CFAP43: variants seen among roughly 807,000 people sequenced by gnomAD.
CFAP43 encodes the protein cilia- and flagella-associated protein 43.
Under a neutral mutation model 218.9 loss-of-function variants are expected in CFAP43, and 155 were observed. The observed-to-expected ratio is 0.71, with a 90% CI of 0.62 to 0.81. The LOEUF (loss-of-function observed/expected upper bound fraction) is 0.81, where lower values mean the gene tolerates loss of function less well. Ranked by LOEUF, CFAP43 falls within the 30% of genes least tolerant of loss-of-function variation. The pLI is 0.00. For synonymous variants in CFAP43, 645 were observed against 681.3 expected (o/e 0.95, Z 0.83); for missense variants, 1,778 against 1,954.3 (o/e 0.91, Z 1.70).
chr10:104,140,138 C>G (rs1468150020), intron 34 of CFAP43, among the ~76,000 whole-genome samples: 1 of 151,996 alleles, frequency 6.6e-6, no homozygotes, highest in Non-Finnish European at 1.5e-5. Context: ...TTTTTTAGGA[C>G]TCAATTATAC....
chr10:104,185,955 T>C lies in CFAP43; in HGVS notation c.2010+19A>G. ...CAATATATACACCCACAATATTTTTTTTTAAGAAAGCAGCTTACCAAAGTA... is the reference window on the plus strand; with the variant it reads ...CAATATATACACCCACAATATTTTTCTTTAAGAAAGCAGCTTACCAAAGTA... On this transcript the variant is annotated intron_variant, in intron 15 of 37. Coordinates refer to ENST00000357060, the MANE Select transcript of CFAP43 (RefSeq NM_025145.7). 6.2e-7 allele frequency: 1 copy of C among 1,606,116 alleles called. No individual in the cohort carries two copies. Among genetic ancestry groups the C allele is most frequent in the Non-Finnish European group, 8.5e-7 (1 of 1,177,366 alleles).
chr10:104,190,317 G>A (rs2090171176), intron 12 of CFAP43, among the ~76,000 whole-genome samples: 1 of 152,168 alleles, frequency 6.6e-6, no homozygotes, highest in African/African-American at 2.4e-5. Context: ...GGGTGACAGA[G>A]CAAGACTCTG....
intron 27 of CFAP43, among the ~76,000 whole-genome samples, chr10:104,154,499 T>C (rs2088437066): frequency 6.6e-6 from 1 of 152,232 alleles, no homozygotes; most frequent in African/African-American, 2.4e-5. Flanking sequence ...TAATAATTTA[T>C]ATTGCTATCT....
chr10:104,203,922 ATGTT>A, intron 7 of CFAP43, 119 bp from the exon 8 acceptor site: 60 of 883,164 alleles, frequency 6.8e-5, no homozygotes, highest in Non-Finnish European at 9.1e-5. Flanking sequence ...ATCATCATCT[ATGTT>A]TGCATAGATG....
intron 3 of CFAP43, among the ~76,000 whole-genome samples, chr10:104,220,549 A>G (rs1330070532): frequency 6.6e-6 from 1 of 151,994 alleles, no homozygotes; most frequent in Admixed American, 6.6e-5. Context: ...CACCAACTAT[A>G]TAAGTTTAGG....
At chr10:104,131,634 C>G (rs1315934049) in intron 36 of CFAP43, 150 bp from the exon 37 acceptor site, 2 of 896,596 alleles carry the variant, frequency 2.2e-6, no homozygotes, top group African/African-American at 1.7e-5. Context: ...ATAGTAGGCA[C>G]TCGAGTTATT....
At chr10:104,219,311 C>T (rs1237238138) in intron 3 of CFAP43, among the ~76,000 whole-genome samples, 1 of 152,142 alleles carries the variant, frequency 6.6e-6, no homozygotes, top group Non-Finnish European at 1.5e-5. Context: ...AATAGTTTCA[C>T]TTCCCTCCAT....
intron 34 of CFAP43, 62 bp downstream of exon 34, chr10:104,140,780 G>A: frequency 7.5e-7 from 1 of 1,338,524 alleles, no homozygotes; most frequent in African/African-American, 1.5e-5. Flanking sequence ...TGTGCCACAA[G>A]ACTCTAGCCT....
chr10:104,170,774 A>AT (rs112287854), intron 20 of CFAP43, among the ~76,000 whole-genome samples: 4 of 151,994 alleles, frequency 2.6e-5, no homozygotes, highest in South Asian at 2.1e-4. Context: ...AGAAAATGGG[A>AT]TTTTTTTTCA....
rs954927501 is a variant in CFAP43 at position 104,133,839 on chromosome 10, G to T, written c.4432-55C>A. The T allele has an allele frequency of 2.8e-6, 4 of 1,406,730 alleles. No individual in the cohort carries two copies. The African/African-American group carries it at 4.3e-5, about 15-fold the overall frequency. The allele number at this position is 1,406,730 out of a possible 1,614,324, so 87.1% of individuals were successfully genotyped here. On this transcript the variant is annotated intron_variant, in intron 34 of 37. Transcript: ENST00000357060. ...AATATGATTCTGCATATAGAACATA[G>T]AATATTTGAGGCTGAATGCTATTTT... is the stretch of plus-strand genomic sequence containing the variant.
At chr10:104,168,219 G>T (rs1357442082) in intron 21 of CFAP43, among the ~76,000 whole-genome samples, 14 of 152,158 alleles carry the variant, frequency 9.2e-5, no homozygotes, top group Non-Finnish European at 1.5e-5. Flanking sequence ...AATGTAGGGT[G>T]GCCGTATACT....
intron 2 of CFAP43, among the ~76,000 whole-genome samples, chr10:104,228,315 C>T (rs2091357947): frequency 6.6e-6 from 1 of 152,006 alleles, no homozygotes. Context: ...TTCTCTTCCT[C>T]CTTCTTTTTG....
intron 7 of CFAP43, 90 bp from the exon 8 acceptor site, chr10:104,203,893 C>T: frequency 1.8e-6 from 2 of 1,126,662 alleles, no homozygotes; most frequent in Non-Finnish European, 2.4e-6. Flanking sequence ...TTATTGATTA[C>T]TTCTACTGCT....
At chr10:104,188,942 A>T (rs1303723214) in intron 12 of CFAP43, among the ~76,000 whole-genome samples, 1 of 152,104 alleles carries the variant, frequency 6.6e-6, no homozygotes, top group Admixed American at 6.5e-5. Context: ...TCACTCTCCC[A>T]TTCTTCATGG....
At chr10:104,177,809 G>A (rs1019898683) in intron 19 of CFAP43, among the ~76,000 whole-genome samples, 1 of 152,174 alleles carries the variant, frequency 6.6e-6, no homozygotes, top group African/African-American at 2.4e-5. Flanking sequence ...TTCTCTAAAG[G>A]AAACACTGGA....
intron 27 of CFAP43, among the ~76,000 whole-genome samples, chr10:104,159,748 T>G (rs748873694): frequency 2.0e-5 from 3 of 152,236 alleles, no homozygotes; most frequent in East Asian, 1.9e-4. Flanking sequence ...GTTTGGGAGA[T>G]GCGCAACGGG....
intron 33 of CFAP43, 82 bp downstream of exon 33, chr10:104,142,199 C>T: frequency 8.9e-7 from 1 of 1,127,094 alleles, no homozygotes; most frequent in Non-Finnish European, 1.3e-6. Flanking sequence ...AGTCAGTAGG[C>T]ATTCTCCCCA....
intron 22 of CFAP43, 120 bp downstream of exon 22, chr10:104,167,501 T>C (rs943011777): frequency 3.1e-6 from 2 of 641,574 alleles, no homozygotes; most frequent in South Asian, 3.2e-5. Flanking sequence ...TAACAAGAAA[T>C]AAAAATATAA....
intron 20 of CFAP43, 24 bp downstream of exon 20, chr10:104,172,386 T>C (rs1460143542): frequency 1.3e-6 from 2 of 1,599,680 alleles, no homozygotes; most frequent in Middle Eastern, 1.7e-4. Flanking sequence ...AACTTTATGG[T>C]GCTTAAATTA....
Sources: allele counts gnomAD v4.1 joint callset (sites outside exome capture counted in the v4.1 genomes callset), GRCh38; gene constraint gnomAD v4.1.1; transcripts MANE v1.5; gene names NCBI Gene and HGNC (gene_info 2026-07-23, HGNC 2026-07-21).